The following BPHL variants were observed in gnomAD, a reference collection of about 807,000 sequenced individuals.
BPHL encodes the protein biphenyl hydrolase like, also known as serine hydrolase BPHL.
Under a neutral mutation model 31.2 loss-of-function variants are expected in BPHL, and 27 were observed. The ratio of observed to expected loss-of-function variants is 0.87; its 90% confidence interval spans 0.64 to 1.19. The LOEUF (loss-of-function observed/expected upper bound fraction) is 1.19. Among genes scored for constraint, BPHL ranks in the 50% most tolerant of loss-of-function variants. The pLI is 0.00. For missense variants in BPHL, 356 were observed against 375.7 expected, an observed-to-expected ratio of 0.95 and a Z score of 0.43; for synonymous variants, 150 against 146.8, an observed-to-expected ratio of 1.02 and a Z score of -0.16.
intron 4 of BPHL, among the ~76,000 whole-genome samples, chr6:3,136,262 T>A (rs1762016025): frequency 6.6e-6 from 1 of 152,188 alleles, no homozygotes; most frequent in Non-Finnish European, 1.5e-5. Flanking sequence ...CTCTCTCCCT[T>A]ACCCTCCGCC....
chr6:3,122,377 C>T (rs1444125633), intron 1 of BPHL, among the ~76,000 whole-genome samples: 1 of 152,256 alleles, frequency 6.6e-6, no homozygotes, highest in Non-Finnish European at 1.5e-5. Flanking sequence ...CTTCTGGCAT[C>T]TGTCCTGGCT....
chr6:3,120,080 G>T (rs1761520749), intron 1 of BPHL, among the ~76,000 whole-genome samples: 1 of 151,752 alleles, frequency 6.6e-6, no homozygotes, highest in Non-Finnish European at 1.5e-5. Context: ...TTTTGCCCAT[G>T]CTGGAGTGCA....
intron 4 of BPHL, 133 bp from the exon 5 acceptor site, chr6:3,137,229 G>A (rs1762036695): frequency 8.9e-7 from 1 of 1,124,462 alleles, no homozygotes; most frequent in East Asian, 2.6e-5. Flanking sequence ...CCGAGCAGAG[G>A]GAGGGAGGGA....
At chr6:3,127,635 T>C (rs1363666818) in intron 3 of BPHL, among the ~76,000 whole-genome samples, 1 of 152,214 alleles carries the variant, frequency 6.6e-6, no homozygotes, top group Admixed American at 6.5e-5. Context: ...GCCAGTCTTA[T>C]TACATCACAA....
chr6:3,143,143 G>A (rs1321630103), intron 6 of BPHL, among the ~76,000 whole-genome samples: 1 of 152,120 alleles, frequency 6.6e-6, no homozygotes, highest in Non-Finnish European at 1.5e-5. Context: ...ACTTGAACCT[G>A]GGAGGCAGAG....
chr6:3,145,912 G>C (rs1191771127), intron 6 of BPHL, among the ~76,000 whole-genome samples: 1 of 74,556 alleles, frequency 1.3e-5, no homozygotes, highest in Non-Finnish European at 3.2e-5. Context: ...TGCTGGTTTG[G>C]GTTGGAGTGC....
At chr6:3,135,098 A>G (rs1761977804) in intron 4 of BPHL, among the ~76,000 whole-genome samples, 1 of 152,148 alleles carries the variant, frequency 6.6e-6, no homozygotes, top group Non-Finnish European at 1.5e-5. Flanking sequence ...AGATCCACCA[A>G]CATGTTTGCC....
chr6:3,119,327 G>T, intron 1 of BPHL: 1 of 1,551,508 alleles, frequency 6.4e-7, no homozygotes, highest in Non-Finnish European at 8.7e-7. Context: ...TTAATCACGG[G>T]TCCCGAGAGC....
chr6:3,132,367 T>C (rs1370533297), intron 4 of BPHL, among the ~76,000 whole-genome samples: 1 of 152,204 alleles, frequency 6.6e-6, no homozygotes, highest in Non-Finnish European at 1.5e-5. Context: ...GTTCCCTGGC[T>C]GACACGTGCC....
At position 3,152,603 on chromosome 6, in the gene BPHL, C is replaced by T. The variant is rs765765171; in HGVS notation, c.*28C>T. The stretch of plus-strand genomic sequence containing the variant: ...ATGCACACTCCAGTCTTGGTGGTTC[C>T]TTCGTGTGGGGCTTGATCGTGTTGC... On this transcript the variant is annotated 3_prime_UTR_variant, in exon 7 of 7. Transcript: ENST00000380379. 3 of 1,595,604 alleles carry T rather than the reference C, an allele frequency of 1.9e-6. No individual in the cohort carries two copies. The highest frequency in any genetic ancestry group is 2.6e-6 in the Non-Finnish European group (3 of 1,167,478).
chr6:3,151,758 A>C (rs984719180), intron 6 of BPHL, among the ~76,000 whole-genome samples: 1 of 152,224 alleles, frequency 6.6e-6, no homozygotes, highest in Non-Finnish European at 1.5e-5. Context: ...AGAAGGCTGC[A>C]TTTGTTCAGG....
chr6:3,152,591 T>G lies in BPHL; in HGVS notation c.*16T>G, dbSNP rs1030816635. 21 of 1,605,702 alleles carry G rather than the reference T, an allele frequency of 1.3e-5. No homozygotes were observed. The highest frequency in any genetic ancestry group is 1.0e-4 in the Admixed American group (6 of 59,116). On this transcript the variant is annotated 3_prime_UTR_variant, in exon 7 of 7. Transcript: ENST00000380379. ...CCTACAATGAGAATGCACACTCCAG[T>G]CTTGGTGGTTCCTTCGTGTGGGGCT...
chr6:3,121,089 TATA>T (rs558803181), intron 1 of BPHL, among the ~76,000 whole-genome samples: 41 of 152,302 alleles, frequency 2.7e-4, no homozygotes, highest in Admixed American at 2.2e-3. Context: ...AGCCTGGGGA[TATA>T]ATAAACATGA....
In BPHL at chr6:3,140,478, G is replaced by T. The variant is rs199782126; in HGVS notation, c.757G>T (p.Asp253Tyr). The change falls in exon 6 of 7, where the codon GAC becomes TAC. Residue 253 changes from aspartate to tyrosine, a missense_variant. Transcript: ENST00000380379. The surrounding 1 kb of genome is among the most constrained non-coding windows in gnomAD (Gnocchi z 5.2). ...KDPLVPRFHA[D>Y]FIHKHVKGSR... is the part of the protein sequence containing the mutation. ...TCCTCTGGTCCCACGGTTTCATGCC[G>T]ACTTCATTCATAAGCACGTGAAAGG... 6.2e-7 allele frequency: 1 copy of T among 1,614,022 alleles called. No individual in the cohort carries two copies. The highest frequency in any genetic ancestry group is 8.5e-7 in the Non-Finnish European group (1 of 1,180,014).
At chr6:3,144,305 G>A (rs1404834092) in intron 6 of BPHL, among the ~76,000 whole-genome samples, 1 of 151,574 alleles carries the variant, frequency 6.6e-6, no homozygotes, top group Non-Finnish European at 1.5e-5. Context: ...CTGACCTCGT[G>A]ATGCACCCGC....
At chr6:3,118,413 C>G (rs1324997977), upstream of BPHL, 1 of 241,102 alleles carries the variant, frequency 4.1e-6, no homozygotes, top group Non-Finnish European at 7.9e-6. Flanking sequence ...GCCTCGCCTC[C>G]TGGAAAGGCC....
chr6:3,140,063 A>G lies in BPHL; in HGVS notation c.665-323A>G, dbSNP rs1156981193. On this transcript the variant is annotated intron_variant, in intron 5 of 6. Transcript: ENST00000380379. The surrounding 1 kb of genome is among the most constrained non-coding windows in gnomAD (Gnocchi z 5.2). The stretch of plus-strand genomic sequence containing the variant: ...GTGTCAAGCACCTACCACTGTTTTC[A>G]CGGTGGGAACCGCCACTGTGGAATA... The G allele has an allele frequency of 1.3e-5, 4 of 304,442 alleles. No homozygotes were observed. Among genetic ancestry groups the G allele is most frequent in the African/African-American group, 8.7e-5 (4 of 45,906 alleles). The allele number at this position is 304,442 out of a possible 1,614,324, so 18.9% of individuals were successfully genotyped here.
intron 6 of BPHL, among the ~76,000 whole-genome samples, chr6:3,150,602 G>A (rs897889816): frequency 5.3e-5 from 8 of 152,120 alleles, no homozygotes; most frequent in African/African-American, 9.7e-5. Context: ...CTAATTTTTC[G>A]GAGAATGTTA....
In BPHL at chr6:3,118,836, G is replaced by A. The variant is rs1243457971; in HGVS notation, c.96G>A (p.Ala32=). The part of the protein sequence containing the change: ...PGIHVPRAGP[A]AAFGTSVTSA... ...TCCACGTCCCACGGGCCGGACCCGC[G>A]GCCGCGTTCGGGTAATGGCGGCCAC... The change falls in exon 1 of 7, where the codon GCG becomes GCA. Residue 32 remains alanine, a synonymous_variant. Transcript: ENST00000380379. 1.6e-6 allele frequency: 2 copies of A among 1,239,572 alleles called. No individual in the cohort carries two copies. Among genetic ancestry groups the A allele is most frequent in the Non-Finnish European group, 2.0e-6 (2 of 990,158 alleles). The allele number at this position is 1,239,572 out of a possible 1,614,324, so 76.8% of individuals were successfully genotyped here.
Sources: gnomAD v4.1 joint callset for allele counts (sites outside exome capture counted in the v4.1 genomes callset) on GRCh38, gnomAD v4.1.1 for gene constraint, Gnocchi (gnomAD v3.1) non-coding constraint, MANE v1.5 for transcripts, NCBI Gene and HGNC (gene_info 2026-07-23, HGNC 2026-07-21) for gene names.